Variants in FOXA2 observed in about 807,000 individuals in gnomAD.
FOXA2 encodes the protein forkhead box A2.
FOXA2 carries 9 observed loss-of-function variants against 33.3 expected under a neutral mutation model. The ratio of observed to expected loss-of-function variants is 0.27; its 90% confidence interval spans 0.16 to 0.47. The LOEUF (loss-of-function observed/expected upper bound fraction) is 0.47, where lower values mean the gene tolerates loss of function less well. Among genes scored for constraint, FOXA2 ranks in the 20% least tolerant of loss-of-function variants. The pLI is 0.99. For synonymous variants in FOXA2, 329 were observed against 289.4 expected (o/e 1.14, Z -1.39); for missense variants, 704 against 659.9 (o/e 1.07, Z -0.73).
rs992181161 is a variant in FOXA2, at chr20:22,584,430, G to A, written c.-152C>T. 2.6e-5 allele frequency: 18 copies of A among 681,854 alleles called. No individual in the cohort carries two copies. The highest frequency in any genetic ancestry group is 4.2e-5 in the Non-Finnish European group (16 of 384,498). 42.2% of individuals were successfully genotyped at this position (681,854 alleles called of 1,614,324 possible). A position where few individuals can be genotyped will look rare whatever the true frequency, so the allele number is the denominator to read the frequency against. On this transcript the variant is annotated 5_prime_UTR_variant, in exon 1 of 2. Coordinates refer to ENST00000419308, the MANE Select transcript of FOXA2 (RefSeq NM_021784.5). ...GGGCTCCACTCCCTCTCTCTCCCTG[G>A]GCAGGCCGGAGGCGGTAGTTGGAAG...
At position 22,582,954 on chromosome 20, in the gene FOXA2, C is replaced by T; in HGVS notation, c.288G>A (p.Met96Ile). ...CGCCGGCCGCCCCGGCCGAGCCGCC[C>T]ATGCCCGCCATGGCGCCCGCGCCGG... ...MSPGAGAMAGMGGSAGAAGVA... is the reference protein window; with the variant it reads ...MSPGAGAMAGIGGSAGAAGVA... Residue 96 changes from methionine to isoleucine, a missense_variant, in exon 2 of 2, where the codon ATG becomes ATA. Transcript: ENST00000419308. 6.3e-7 allele frequency: 1 copy of T among 1,595,154 alleles called. No homozygotes were observed. The highest frequency in any genetic ancestry group is 8.5e-7 in the Non-Finnish European group (1 of 1,174,360).
In FOXA2 at chr20:22,584,306, A is replaced by G; in HGVS notation, c.-28T>C. 6.3e-7 allele frequency: 1 copy of G among 1,598,752 alleles called. No individual in the cohort carries two copies. Among genetic ancestry groups the G allele is most frequent in the Non-Finnish European group, 8.6e-7 (1 of 1,167,060 alleles). On this transcript the variant is annotated 5_prime_UTR_variant, in exon 1 of 2. Transcript: ENST00000419308. ...CAGTTTAAAATTTAACAGCCACAACAAACGACCAGCAATCACCCCCCACCC... is the reference window on the plus strand; with the variant it reads ...CAGTTTAAAATTTAACAGCCACAACGAACGACCAGCAATCACCCCCCACCC...
intron 1 of FOXA2, 108 bp from the exon 2 acceptor site, chr20:22,583,262 G>GAGCAACAT: frequency 8.1e-7 from 1 of 1,227,418 alleles, no homozygotes; most frequent in Non-Finnish European, 1.2e-6. Context: ...AGGCCTCCGG[G>GAGCAACAT]GAGCCCTTTC....
Sources: gnomAD v4.1 joint callset for allele counts on GRCh38, gnomAD v4.1.1 for gene constraint, MANE v1.5 for transcripts, NCBI Gene and HGNC (gene_info 2026-07-23, HGNC 2026-07-21) for gene names.